CD28: variants seen among roughly 807,000 people sequenced by gnomAD.
CD28 encodes T-cell-specific surface glycoprotein CD28.
CD28 carries 8 observed loss-of-function variants against 21.4 expected under a neutral mutation model. The ratio of observed to expected loss-of-function variants is 0.37; its 90% CI spans 0.22 to 0.68. CD28 has a LOEUF of 0.68. Among genes scored for constraint, CD28 ranks in the 30% least tolerant of loss-of-function variants. The pLI is 0.55. For synonymous variants in CD28, 106 were observed against 104.0 expected (o/e 1.02, Z -0.12); for missense variants, 239 against 272.2 (o/e 0.88, Z 0.86).
intron 1 of CD28, among the ~76,000 whole-genome samples, chr2:203,721,926 T>C (rs1693614697): frequency 6.6e-6 from 1 of 152,102 alleles, no homozygotes; most frequent in African/African-American, 2.4e-5. Context: ...GCCACAGCTT[T>C]TCTTCCTTCC....
At chr2:203,710,844 G>T (rs1007515023) in intron 1 of CD28, among the ~76,000 whole-genome samples, 4 of 152,126 alleles carry the variant, frequency 2.6e-5, no homozygotes, top group African/African-American at 9.7e-5. Context: ...TTCCCAGCAG[G>T]TCATGGCAAG....
intron 1 of CD28, among the ~76,000 whole-genome samples, chr2:203,708,240 A>G (rs1413619980): frequency 6.6e-6 from 1 of 152,150 alleles, no homozygotes; most frequent in East Asian, 1.9e-4. Flanking sequence ...AGTGAGCACA[A>G]ATTGTGTATA....
In CD28 at chr2:203,735,327, T is replaced by C. The variant is rs1449305719; in HGVS notation, c.*415T>C. On this transcript the variant is annotated 3_prime_UTR_variant, in exon 4 of 4. Coordinates refer to ENST00000324106, the MANE Select transcript of CD28 (RefSeq NM_006139.4). The stretch of plus-strand genomic sequence containing the variant: ...TAGGAAATCATTCCTTTTGGTTAAA[T>C]GGGTGTTTAATCTTTTGGTTAGTGG... The C allele has an allele frequency of 1.1e-5, 2 of 180,630 alleles. No individual in the cohort carries two copies. Among genetic ancestry groups the C allele is most frequent in the East Asian group, 3.5e-4 (2 of 5,680 alleles). The allele number at this position is 180,630 out of a possible 1,614,324, so 11.2% of individuals were successfully genotyped here.
Position 203,726,877 on chromosome 2 carries a change from C to T in CD28, c.297C>T (p.Leu99=), listed in dbSNP as rs1448240879. The T allele has an allele frequency of 3.1e-6, 5 of 1,613,686 alleles. No individual in the cohort carries two copies. In the African/African-American group the frequency reaches 4.0e-5, roughly 13 times the overall value. ...KLGNESVTFY[L]QNLYVNQTDI... ...GCAATGAATCAGTGACATTCTACCT[C>T]CAGAATTTGTATGTTAACCAAACAG... Residue 99 remains leucine (L), a synonymous_variant, in exon 2 of 4, where the codon CTC becomes CTT. Transcript: ENST00000324106.
chr2:203,734,138 C>A (rs985021109), intron 3 of CD28, among the ~76,000 whole-genome samples: 12 of 152,076 alleles, frequency 7.9e-5, no homozygotes, highest in African/African-American at 2.7e-4. Context: ...TGTTCCTAAC[C>A]CTTAGTCAAA....
chr2:203,713,948 A>G (rs762100836), intron 1 of CD28, among the ~76,000 whole-genome samples: 2 of 150,116 alleles, frequency 1.3e-5, no homozygotes, highest in African/African-American at 4.9e-5. Flanking sequence ...ATTATTAGGA[A>G]AGAAAGGAGG....
At chr2:203,708,824 C>T (rs1288716464) in intron 1 of CD28, among the ~76,000 whole-genome samples, 1 of 152,140 alleles carries the variant, frequency 6.6e-6, no homozygotes, top group Non-Finnish European at 1.5e-5. Context: ...AAAAGAATGA[C>T]CACATAAAAA....
rs1694063777 is a variant in CD28, at chr2:203,737,343, GA to G, written c.*2432del. 1 of 152,216 alleles carries G rather than the reference GA, an allele frequency of 6.6e-6. No homozygotes were observed. The highest frequency in any genetic ancestry group is 1.5e-5 in the Non-Finnish European group (1 of 68,042). 9.4% of individuals were successfully genotyped at this position (152,216 alleles called of 1,614,324 possible). On this transcript the variant is annotated 3_prime_UTR_variant, in exon 4 of 4. Transcript: ENST00000324106. Reference sequence around the variant, plus strand: ...CACTTGCCAGCTTCTTGGGCACACAGAGTTCTTCAATCCAAGTTATCAGATT... The same window carrying G: ...CACTTGCCAGCTTCTTGGGCACACAGGTTCTTCAATCCAAGTTATCAGATT...
At chr2:203,728,347 G>A (rs1043133691) in intron 2 of CD28, among the ~76,000 whole-genome samples, 1 of 152,196 alleles carries the variant, frequency 6.6e-6, no homozygotes, top group African/African-American at 2.4e-5. Flanking sequence ...CCCCAACTCA[G>A]AAGAATACAG....
In CD28 at chr2:203,726,943, T is replaced by C. The variant is rs1693768990; in HGVS notation, c.363T>C (p.Pro121=). The change falls in exon 2 of 4, where the codon CCT becomes CCC. Residue 121 remains proline, a synonymous_variant. Coordinates refer to ENST00000324106, the MANE Select transcript of CD28 (RefSeq NM_006139.4). ...AAATTGAAGTTATGTATCCTCCTCC[T>C]TACCTAGACAATGAGAAGAGCAATG... ...FCKIEVMYPP[P]YLDNEKSNGT... is the part of the protein sequence containing the mutation. The C allele has an allele frequency of 1.2e-6, 2 of 1,611,242 alleles. No individual in the cohort carries two copies. Among genetic ancestry groups the C allele is most frequent in the African/African-American group, 2.7e-5 (2 of 74,868 alleles).
At chr2:203,729,003 G>A (rs3181107) in intron 2 of CD28, among the ~76,000 whole-genome samples, 139,793 of 152,214 alleles carry the variant, frequency 0.92, 64,253 homozygotes, top group East Asian at 0.99. Context: ...AAACTTTCTC[G>A]GATAATTTAT....
chr2:203,731,877 T>C (rs1159442953), intron 3 of CD28, among the ~76,000 whole-genome samples: 1 of 152,204 alleles, frequency 6.6e-6, no homozygotes, highest in Non-Finnish European at 1.5e-5. Flanking sequence ...GTCCTGTCAT[T>C]TGTGGCCTCT....
rs762709692 is a variant in CD28 at position 203,726,981 on chromosome 2, A to T, written c.401A>T (p.His134Leu). The T allele has an allele frequency of 6.4e-7, 1 of 1,573,424 alleles. No homozygotes were observed. The change falls in exon 2 of 4, where the codon CAT becomes CTT. Residue 134 changes from histidine (H) to leucine (L), a missense_variant. Coordinates refer to ENST00000324106, the MANE Select transcript of CD28 (RefSeq NM_006139.4). The part of the protein sequence containing the change: ...DNEKSNGTII[H>L]VKGKHLCPSP... Reference sequence around the variant, plus strand: ...GAGAAGAGCAATGGAACCATTATCCATGTGAAAGGTAACATACAACTTTAC... The same window carrying T: ...GAGAAGAGCAATGGAACCATTATCCTTGTGAAAGGTAACATACAACTTTAC...
chr2:203,716,211 T>C (rs1163299959), intron 1 of CD28, among the ~76,000 whole-genome samples: 1 of 152,128 alleles, frequency 6.6e-6, no homozygotes, highest in Non-Finnish European at 1.5e-5. Context: ...CACACTAAGG[T>C]CATTTCCATG....
intron 3 of CD28, among the ~76,000 whole-genome samples, chr2:203,732,396 G>C (rs1337248328): frequency 1.3e-5 from 2 of 152,160 alleles, no homozygotes; most frequent in Non-Finnish European, 2.9e-5. Context: ...CAGCTGTGCT[G>C]GTAAAGCTGC....
At position 203,737,156 on chromosome 2, in the gene CD28, G is replaced by A. The variant is rs1309567310; in HGVS notation, c.*2244G>A. 1 of 152,094 alleles carries A rather than the reference G, an allele frequency of 6.6e-6. No homozygotes were observed. Among genetic ancestry groups the A allele is most frequent in the Non-Finnish European group, 1.5e-5 (1 of 68,010 alleles). 9.4% of individuals were successfully genotyped at this position (152,094 alleles called of 1,614,324 possible). A position where few individuals can be genotyped will look rare whatever the true frequency, so the allele number is the denominator to read the frequency against. On this transcript the variant is annotated 3_prime_UTR_variant, in exon 4 of 4. Coordinates refer to ENST00000324106, the MANE Select transcript of CD28 (RefSeq NM_006139.4). The stretch of plus-strand genomic sequence containing the variant: ...TTTTAATTTTTTTTTAATGTGAGAA[G>A]GAAGGGAGGAGTAGGAATCTTGAGA...
At chr2:203,723,860 T>C (rs1401816806) in intron 1 of CD28, among the ~76,000 whole-genome samples, 1 of 152,174 alleles carries the variant, frequency 6.6e-6, no homozygotes, top group Non-Finnish European at 1.5e-5. Context: ...AACATAGAGT[T>C]ACCATATGAC....
In CD28 at chr2:203,735,832, AC is replaced by A. The variant is rs1227213085; in HGVS notation, c.*921del. On this transcript the variant is annotated 3_prime_UTR_variant, in exon 4 of 4. Transcript: ENST00000324106. ...GGACCAGCCTGGTCAAGATGGTGAA[AC>A]TCCGTCTGTACTAAAAATACAAAAT... is the stretch of plus-strand genomic sequence containing the variant. The A allele has an allele frequency of 3.9e-5, 6 of 151,970 alleles. 1 individual carries two copies. Among genetic ancestry groups the A allele is most frequent in the Admixed American group, 3.9e-4 (6 of 15,256 alleles). The allele number at this position is 151,970 out of a possible 1,614,324, so 9.4% of individuals were successfully genotyped here. A position where few individuals can be genotyped will look rare whatever the true frequency, so the allele number is the denominator to read the frequency against.
chr2:203,727,741 G>A (rs1447070327), intron 2 of CD28, among the ~76,000 whole-genome samples: 3 of 151,546 alleles, frequency 2.0e-5, no homozygotes, highest in Admixed American at 6.6e-5. Flanking sequence ...ATGCGGTGGC[G>A]CGATCTCGGC....
Sources: allele counts gnomAD v4.1 joint callset (sites outside exome capture counted in the v4.1 genomes callset), GRCh38; gene constraint gnomAD v4.1.1; transcripts MANE v1.5; gene names NCBI Gene and HGNC (gene_info 2026-07-23, HGNC 2026-07-21).